Variants in SPOCK1 observed in about 807,000 individuals in gnomAD.
SPOCK1 encodes testican-1.
SPOCK1 carries 23 observed loss-of-function variants against 55.3 expected under a neutral mutation model. The observed-to-expected ratio is 0.42, with a 90% CI of 0.30 to 0.59. The LOEUF is 0.59. SPOCK1 is among the 20% of genes least tolerant of loss of function. The pLI is 0.22. For synonymous variants in SPOCK1, 226 were observed against 221.0 expected (o/e 1.02, Z -0.20); for missense variants, 499 against 552.5 (o/e 0.90, Z 0.97).
intron 3 of SPOCK1, among the ~76,000 whole-genome samples, chr5:137,193,195 G>A (rs1196226378): frequency 6.6e-6 from 1 of 152,144 alleles, no homozygotes; most frequent in Non-Finnish European, 1.5e-5. Flanking sequence ...GTTTAAGAGG[G>A]TCATGTTAAA....
rs1390694131 is a variant in SPOCK1, at chr5:136,988,466, T to C, written c.884A>G (p.Lys295Arg). The change falls in exon 8 of 11, where the codon AAG becomes AGG. Residue 295 changes from lysine to arginine, a missense_variant. By Grantham distance (26) the Lys-to-Arg change is conservative. This residue lies in a region of SPOCK1 where 386 missense variants were observed against 400.6 expected (regional missense o/e 0.96). Transcript: ENST00000394945. Reference protein sequence around the residue: ...FNSCDSFKDGKLSNNEWCYCF... With the variant: ...FNSCDSFKDGRLSNNEWCYCF... ...GTAGCACCACTCATTGTTAGAAAGCTTGCCATCCTTGAAGGAGTCACACGA... is the reference window on the plus strand; with the variant it reads ...GTAGCACCACTCATTGTTAGAAAGCCTGCCATCCTTGAAGGAGTCACACGA... 6.2e-7 allele frequency: 1 copy of C among 1,614,030 alleles called. No homozygotes were observed. The highest frequency in any genetic ancestry group is 2.2e-5 in the East Asian group (1 of 44,882).
intron 2 of SPOCK1, among the ~76,000 whole-genome samples, chr5:137,348,912 C>G (rs1750618237): frequency 1.3e-5 from 2 of 152,142 alleles, no homozygotes; most frequent in Non-Finnish European, 2.9e-5. Context: ...CAGATCAATA[C>G]AGCTCTAACA....
chr5:136,976,638 T>C lies in SPOCK1; in HGVS notation c.*2016A>G, dbSNP rs916875685. ...TAATTTTATTGCAATTAAGCACCTG[T>C]TTTCTAAATTATCTCAGTTTTGTTC... is the stretch of plus-strand genomic sequence containing the variant. On this transcript the variant is annotated 3_prime_UTR_variant, in exon 11 of 11. Transcript: ENST00000394945. The C allele has an allele frequency of 2.0e-5, 3 of 152,644 alleles. No homozygotes were observed. Among genetic ancestry groups the C allele is most frequent in the Non-Finnish European group, 2.9e-5 (2 of 68,042 alleles). The allele number at this position is 152,644 out of a possible 1,614,324, so 9.5% of individuals were successfully genotyped here. A position where few individuals can be genotyped will look rare whatever the true frequency, so the allele number is the denominator to read the frequency against.
chr5:137,027,795 C>A (rs1751706158), intron 6 of SPOCK1, among the ~76,000 whole-genome samples: 1 of 151,468 alleles, frequency 6.6e-6, no homozygotes, highest in Non-Finnish European at 1.5e-5. Context: ...CCTTTTGCAC[C>A]CCTCATTCTC....
At chr5:137,180,864 G>A (rs528865348) in intron 3 of SPOCK1, among the ~76,000 whole-genome samples, 160 of 152,304 alleles carry the variant, frequency 1.1e-3, no homozygotes, top group Non-Finnish European at 1.9e-3. Flanking sequence ...TCATTCACCT[G>A]GTCCTCACAA....
In SPOCK1 at chr5:137,486,746, G is replaced by A. The variant is rs145913202; in HGVS notation, c.186+11627C>T. On this transcript the variant is annotated intron_variant, in intron 2 of 10. Transcript: ENST00000394945. The stretch of plus-strand genomic sequence containing the variant: ...TAGGAATTTTTAAACCAACAATTCT[G>A]GCATGTAAAAATCTCACAATTTCTC... Among the ~76,000 whole-genome samples the A allele has an allele frequency of 3.9e-5, 6 of 152,280 alleles. No homozygotes were observed. The East Asian group carries it at 1.2e-3, about 29-fold the overall frequency.
chr5:137,189,278 T>C (rs574855349), intron 3 of SPOCK1, among the ~76,000 whole-genome samples: 1 of 152,342 alleles, frequency 6.6e-6, no homozygotes, highest in Non-Finnish European at 1.5e-5. Flanking sequence ...TGTTGGACTT[T>C]CATAGCTAGA....
intron 3 of SPOCK1, among the ~76,000 whole-genome samples, chr5:137,147,455 G>A (rs932715701): frequency 9.9e-5 from 15 of 152,216 alleles, no homozygotes; most frequent in Middle Eastern, 3.2e-3. Context: ...TCACAGTGCT[G>A]GGGACTAGAA....
chr5:137,185,600 C>T (rs1250451026), intron 3 of SPOCK1, among the ~76,000 whole-genome samples: 2 of 152,142 alleles, frequency 1.3e-5, no homozygotes, highest in Non-Finnish European at 2.9e-5. Context: ...CCTTCTGAGG[C>T]TCCTAAGTCT....
intron 5 of SPOCK1, among the ~76,000 whole-genome samples, chr5:137,074,451 C>T (rs1752686411): frequency 1.3e-5 from 2 of 152,146 alleles, no homozygotes; most frequent in South Asian, 2.1e-4. Context: ...GGGGAAAGTA[C>T]GTATGTATAT....
chr5:137,122,739 C>T (rs896342297), intron 4 of SPOCK1, among the ~76,000 whole-genome samples: 18 of 152,354 alleles, frequency 1.2e-4, no homozygotes, highest in Admixed American at 1.0e-3. Flanking sequence ...CAGATTCCAG[C>T]TAATTGTAGG....
intron 2 of SPOCK1, among the ~76,000 whole-genome samples, chr5:137,430,270 A>G (rs910183047): frequency 2.0e-5 from 3 of 152,192 alleles, no homozygotes; most frequent in Non-Finnish European, 4.4e-5. Flanking sequence ...TACCTATAGC[A>G]TTATTATAGA....
rs191811089 is a variant in SPOCK1, at chr5:137,134,859, C to A, written c.347+5721G>T. ...GGCACATTCTGTGATGTACTTCTCTCTGACCTCGAACACTTTGATTCTTTT... is the reference window on the plus strand; with the variant it reads ...GGCACATTCTGTGATGTACTTCTCTATGACCTCGAACACTTTGATTCTTTT... On this transcript the variant is annotated intron_variant, in intron 4 of 10. Transcript: ENST00000394945. Among the ~76,000 whole-genome samples the A allele has an allele frequency of 4.2e-3, 635 of 152,378 alleles. 2 individuals carry two copies. The highest frequency in any genetic ancestry group is 0.01 in the African/African-American group (421 of 41,596).
chr5:137,167,165 C>T (rs1277310371), intron 3 of SPOCK1, among the ~76,000 whole-genome samples: 3 of 151,926 alleles, frequency 2.0e-5, no homozygotes, highest in Non-Finnish European at 2.9e-5. Flanking sequence ...GCAGGAGTAG[C>T]AATTCCTACA....
rs533334354 is a variant in SPOCK1 at position 137,057,943 on chromosome 5, G to A, written c.589+9772C>T. The stretch of plus-strand genomic sequence containing the variant: ...AAAGCATAATATGGTGATGAACAAT[G>A]AGCCCATGCCAGTGTTTTGATAAAC... On this transcript the variant is annotated intron_variant, in intron 6 of 10. Coordinates refer to ENST00000394945, the MANE Select transcript of SPOCK1 (RefSeq NM_004598.4). Among the ~76,000 whole-genome samples the A allele has an allele frequency of 9.2e-5, 14 of 152,300 alleles. No individual in the cohort carries two copies. The South Asian group carries it at 2.9e-3, about 32-fold the overall frequency.
chr5:137,494,162 C>A (rs548898213), intron 2 of SPOCK1, among the ~76,000 whole-genome samples: 1 of 152,272 alleles, frequency 6.6e-6, no homozygotes, highest in African/African-American at 2.4e-5. Flanking sequence ...TTGGTGTAAG[C>A]AACAATATTA....
chr5:137,356,981 C>T (rs922746334), intron 2 of SPOCK1, among the ~76,000 whole-genome samples: 1 of 150,070 alleles, frequency 6.7e-6, no homozygotes, highest in African/African-American at 2.5e-5. Flanking sequence ...ACCTTCTTTA[C>T]AGGAGCTTCT....
intron 3 of SPOCK1, among the ~76,000 whole-genome samples, chr5:137,197,812 A>G (rs1321343982): frequency 6.6e-6 from 1 of 152,218 alleles, no homozygotes; most frequent in Non-Finnish European, 1.5e-5. Context: ...CTAAATGGCT[A>G]TGATAGTATT....
chr5:136,994,336 G>A (rs1387314504), intron 6 of SPOCK1, among the ~76,000 whole-genome samples: 1 of 152,132 alleles, frequency 6.6e-6, no homozygotes, highest in Non-Finnish European at 1.5e-5. Context: ...AACTTCTCAG[G>A]AGTCGCGCTG....
Sources: gnomAD v4.1 joint callset for allele counts (sites outside exome capture counted in the v4.1 genomes callset) on GRCh38, gnomAD v4.1.1 for gene constraint, gnomAD v4.1.1 regional missense constraint, MANE v1.5 for transcripts, NCBI Gene and HGNC (gene_info 2026-07-23, HGNC 2026-07-21) for gene names.